FBXL2: variants seen among roughly 807,000 people sequenced by gnomAD.
The protein encoded by FBXL2 is F-box and leucine rich repeat protein 2, also known as F-box/LRR-repeat protein 2.
Under a neutral mutation model 69.2 loss-of-function variants are expected in FBXL2, and 38 were observed. That is an observed-to-expected ratio of 0.55 (90% CI 0.42 to 0.72). FBXL2 has a LOEUF of 0.72. FBXL2 is among the 30% of genes least tolerant of loss of function. FBXL2 has a pLI of 0.00. For synonymous variants in FBXL2, 192 were observed against 201.3 expected, an observed-to-expected ratio of 0.95 and a Z score of 0.39; for missense variants, 354 against 520.3, an observed-to-expected ratio of 0.68 and a Z score of 3.11.
At chr3:33,307,868 G>C (rs574398971) in intron 2 of FBXL2, among the ~76,000 whole-genome samples, 1 of 151,944 alleles carries the variant, frequency 6.6e-6, no homozygotes, top group Non-Finnish European at 1.5e-5. Flanking sequence ...TCCTCTGAAG[G>C]TGACCACATA....
At position 33,371,783 on chromosome 3, in the gene FBXL2, T is replaced by C. The variant is rs2042322511; in HGVS notation, c.291-1309T>C. ...TAAATACTCAGGTTTTGTTCTGGGATACAGTTGACTTAATTGGGAATAGTT... is the reference window on the plus strand; with the variant it reads ...TAAATACTCAGGTTTTGTTCTGGGACACAGTTGACTTAATTGGGAATAGTT... On this transcript the variant is annotated intron_variant, in intron 5 of 14. Transcript: ENST00000484457. Among the ~76,000 whole-genome samples the C allele has an allele frequency of 2.6e-5, 4 of 152,370 alleles. No individual in the cohort carries two copies. The South Asian group carries it at 6.2e-4, about 24-fold the overall frequency.
At chr3:33,318,732 C>T (rs1286508778) in intron 2 of FBXL2, among the ~76,000 whole-genome samples, 1 of 116,366 alleles carries the variant, frequency 8.6e-6, no homozygotes, top group African/African-American at 3.8e-5. Context: ...TTAAACATAA[C>T]TGATGTTTTT....
chr3:33,318,340 C>A (rs2037890677), intron 2 of FBXL2, among the ~76,000 whole-genome samples: 1 of 152,092 alleles, frequency 6.6e-6, no homozygotes, highest in African/African-American at 2.4e-5. Flanking sequence ...CAATCTGAGG[C>A]TCTAAGTTTC....
At chr3:33,346,572 A>G (rs779201139) in intron 2 of FBXL2, among the ~76,000 whole-genome samples, 1 of 152,132 alleles carries the variant, frequency 6.6e-6, no homozygotes, top group East Asian at 1.9e-4. Context: ...AAATAAATAA[A>G]TAAGTAAATA....
chr3:33,349,622 T>C (rs1009044340), intron 2 of FBXL2, among the ~76,000 whole-genome samples: 2 of 152,204 alleles, frequency 1.3e-5, no homozygotes, highest in African/African-American at 4.8e-5. Flanking sequence ...TAGAATGAGT[T>C]TGGAAGTATT....
At chr3:33,365,947 G>A (rs943227672) in intron 5 of FBXL2, among the ~76,000 whole-genome samples, 1 of 152,144 alleles carries the variant, frequency 6.6e-6, no homozygotes, top group Non-Finnish European at 1.5e-5. Flanking sequence ...CAGACTTCCA[G>A]TAAGAATGTG....
Position 33,385,861 on chromosome 3 carries a change from C to A in FBXL2, c.*253C>A. The A allele has an allele frequency of 2.0e-6, 1 of 504,360 alleles. No homozygotes were observed. The allele number at this position is 504,360 out of a possible 1,614,324, so 31.2% of individuals were successfully genotyped here. A position where few individuals can be genotyped will look rare whatever the true frequency, so the allele number is the denominator to read the frequency against. On this transcript the variant is annotated 3_prime_UTR_variant, in exon 15 of 15. Coordinates refer to ENST00000484457, the MANE Select transcript of FBXL2 (RefSeq NM_012157.5). The stretch of plus-strand genomic sequence containing the variant: ...GGTCTCAATGCAGCTAGGACCATGC[C>A]AGAAACCTGGATCTCTTAAGAGATT...
At position 33,300,995 on chromosome 3, in the gene FBXL2, G is replaced by A. The variant is rs6803716; in HGVS notation, c.65+3270G>A. On this transcript the variant is annotated intron_variant, in intron 2 of 14. Transcript: ENST00000484457. ...TGGGATTACAGGTGTAAGCCACTGC[G>A]CCCGGCCTTTCCTAGCTACCCTTTC... 7.1e-3 allele frequency among the ~76,000 whole-genome samples: 1,086 copies of A among 152,078 alleles called. 11 individuals are homozygous for A. The highest frequency in any genetic ancestry group is 0.024 in the African/African-American group (987 of 41,472).
chr3:33,396,958 C>A, intron 12 of FBXL2: 1 of 1,219,064 alleles, frequency 8.2e-7, no homozygotes, highest in Non-Finnish European at 1.2e-6. Context: ...CACACGCCAA[C>A]CTAGCGTGGA....
intron 1 of FBXL2, among the ~76,000 whole-genome samples, chr3:33,281,969 G>A (rs1391970585): frequency 6.6e-6 from 1 of 152,160 alleles, no homozygotes; most frequent in African/African-American, 2.4e-5. Context: ...TGGGTAGATT[G>A]CAAAAATTTT....
chr3:33,282,001 G>GTTCA (rs1038664020), intron 1 of FBXL2, among the ~76,000 whole-genome samples: 11 of 152,144 alleles, frequency 7.2e-5, no homozygotes, highest in African/African-American at 2.7e-4. Flanking sequence ...TAGGTTGCCT[G>GTTCA]TTCACTCTGA....
chr3:33,346,530 T>C (rs2040450302), intron 2 of FBXL2, among the ~76,000 whole-genome samples: 1 of 151,914 alleles, frequency 6.6e-6, no homozygotes, highest in East Asian at 1.9e-4. Context: ...CTGTACTCCA[T>C]CCTGGGTGAC....
At position 33,373,174 on chromosome 3, in the gene FBXL2, A is replaced by G; in HGVS notation, c.359+14A>G. 1.2e-6 allele frequency: 2 copies of G among 1,613,656 alleles called. No homozygotes were observed. The highest frequency in any genetic ancestry group is 1.6e-4 in the Middle Eastern group (1 of 6,062). On this transcript the variant is annotated intron_variant, in intron 6 of 14. Coordinates refer to ENST00000484457, the MANE Select transcript of FBXL2 (RefSeq NM_012157.5). ...AATCACTGACAGGTAAGTAATGAAG[A>G]TTAATTGGTGACCAAATAGCCACGG... is the stretch of plus-strand genomic sequence containing the variant.
the FBXL2 span, among the ~76,000 whole-genome samples, chr3:33,420,926 G>C: frequency 6.6e-6 from 1 of 152,156 alleles, no homozygotes; most frequent in Non-Finnish European, 1.5e-5. Flanking sequence ...ATTCTTAGCA[G>C]CGTATTCTCC....
chr3:33,414,621 T>A, the FBXL2 span, among the ~76,000 whole-genome samples: 4 of 152,134 alleles, frequency 2.6e-5, no homozygotes, highest in Non-Finnish European at 5.9e-5. Flanking sequence ...ATTTGAAGCA[T>A]ATTTTAGGGA....
At chr3:33,300,108 C>G (rs2036135016) in intron 2 of FBXL2, among the ~76,000 whole-genome samples, 1 of 152,066 alleles carries the variant, frequency 6.6e-6, no homozygotes, top group South Asian at 2.1e-4. Context: ...CAGGCAGGCC[C>G]ATGTTGGTCA....
chr3:33,378,564 G>A, intron 12 of FBXL2, 121 bp from the exon 13 acceptor site: 1 of 949,504 alleles, frequency 1.1e-6, no homozygotes, highest in South Asian at 1.8e-5. Context: ...CCCAGCCCCA[G>A]AGTGTTTGAG....
rs148801985 is a variant in FBXL2, at chr3:33,341,756, G to A, written c.66-17211G>A. ...GAGGCAGGAGAATTGCTTGAACCCG[G>A]GAGGTGGAGGTTGCAGTGAATTGAG... On this transcript the variant is annotated intron_variant, in intron 2 of 14. Coordinates refer to ENST00000484457, the MANE Select transcript of FBXL2 (RefSeq NM_012157.5). Among the ~76,000 whole-genome samples the A allele has an allele frequency of 9.1e-3, 1,365 of 149,796 alleles. 16 individuals carry two copies. The highest frequency in any genetic ancestry group is 0.032 in the African/African-American group (1,279 of 40,594).
chr3:33,284,713 T>C (rs1361058184), intron 1 of FBXL2, among the ~76,000 whole-genome samples: 7 of 152,216 alleles, frequency 4.6e-5, no homozygotes, highest in Admixed American at 4.6e-4. Context: ...AGACTTGCTT[T>C]ATGAATCTGG....
Sources: allele counts gnomAD v4.1 joint callset (sites outside exome capture counted in the v4.1 genomes callset), GRCh38; gene constraint gnomAD v4.1.1; transcripts MANE v1.5; gene names NCBI Gene and HGNC (gene_info 2026-07-23, HGNC 2026-07-21).